The following MEGF11 variants were observed in gnomAD, a reference collection of about 807,000 sequenced individuals.
MEGF11 encodes multiple EGF like domains 11.
Under a neutral mutation model 146.6 loss-of-function variants are expected in MEGF11, and 126 were observed. That is an observed-to-expected ratio of 0.86 (90% CI 0.74 to 1.00). The LOEUF (loss-of-function observed/expected upper bound fraction) is 1.00. MEGF11 is among the 50% of genes least tolerant of loss of function. MEGF11 has a pLI of 0.00. For synonymous variants in MEGF11, 532 were observed against 583.4 expected (o/e 0.91, Z 1.27); for missense variants, 1,509 against 1,521.2 (o/e 0.99, Z 0.13).
intron 9 of MEGF11, among the ~76,000 whole-genome samples, chr15:65,964,167 G>A (rs879844434): frequency 6.6e-6 from 1 of 152,192 alleles, no homozygotes; most frequent in African/African-American, 2.4e-5. Context: ...CGTGAAGCGG[G>A]CAGGGAGGGG....
intron 5 of MEGF11, among the ~76,000 whole-genome samples, chr15:65,996,302 C>T (rs758852170): frequency 1.3e-5 from 2 of 152,134 alleles, no homozygotes; most frequent in Non-Finnish European, 2.9e-5. Flanking sequence ...GAGTGTTGGG[C>T]ACCTCTGCTC....
intron 4 of MEGF11, 57 bp from the exon 5 acceptor site, chr15:66,094,551 T>C: frequency 7.0e-7 from 1 of 1,435,982 alleles, no homozygotes; most frequent in Non-Finnish European, 9.6e-7. Flanking sequence ...AAACCAACCA[T>C]CTGGTCAAGG....
intron 1 of MEGF11, among the ~76,000 whole-genome samples, chr15:66,151,676 C>T (rs932078168): frequency 2.0e-5 from 3 of 152,202 alleles, no homozygotes; most frequent in African/African-American, 7.2e-5. Context: ...AGGTCATTAG[C>T]TCTGGTTGAC....
intron 13 of MEGF11, among the ~76,000 whole-genome samples, chr15:65,925,122 G>A (rs1435107039): frequency 6.6e-6 from 1 of 152,190 alleles, no homozygotes; most frequent in Non-Finnish European, 1.5e-5. Context: ...AAAACTATAG[G>A]TATTACTGTG....
chr15:66,069,768 T>C (rs2085287088), intron 5 of MEGF11, among the ~76,000 whole-genome samples: 1 of 152,226 alleles, frequency 6.6e-6, no homozygotes, highest in South Asian at 2.1e-4. Flanking sequence ...TGTTCTAAAG[T>C]AGAAATTGGC....
intron 1 of MEGF11, among the ~76,000 whole-genome samples, chr15:66,156,284 C>T (rs1340593297): frequency 6.6e-6 from 1 of 152,152 alleles, no homozygotes; most frequent in Non-Finnish European, 1.5e-5. Flanking sequence ...CTGATAGCTC[C>T]CACCACCTTT....
At chr15:66,134,796 G>C (rs577191255) in intron 1 of MEGF11, among the ~76,000 whole-genome samples, 115 of 152,388 alleles carry the variant, frequency 7.5e-4, no homozygotes, top group African/African-American at 2.6e-3. Flanking sequence ...AGGATGATGG[G>C]CTGGACAGCA....
chr15:66,096,348 C>G (rs1353728280), intron 4 of MEGF11, among the ~76,000 whole-genome samples: 1 of 152,242 alleles, frequency 6.6e-6, no homozygotes, highest in Non-Finnish European at 1.5e-5. Flanking sequence ...CTCGAAGAGA[C>G]TTAAGAGAAA....
At chr15:66,235,010 C>T (rs1228949190) in intron 1 of MEGF11, among the ~76,000 whole-genome samples, 1 of 152,184 alleles carries the variant, frequency 6.6e-6, no homozygotes, top group Non-Finnish European at 1.5e-5. Context: ...CTTTCCTATG[C>T]TTCCACACCC....
At chr15:66,142,346 T>A (rs983798860) in intron 1 of MEGF11, among the ~76,000 whole-genome samples, 6 of 152,188 alleles carry the variant, frequency 3.9e-5, no homozygotes, top group African/African-American at 7.2e-5. Flanking sequence ...CGTGGCAACA[T>A]CTTTGCATCA....
chr15:65,900,435 A>G (rs1162433255), intron 24 of MEGF11, among the ~76,000 whole-genome samples: 1 of 152,264 alleles, frequency 6.6e-6, no homozygotes, highest in East Asian at 1.9e-4. Context: ...AAGTAGTCTT[A>G]TCTCCCATAA....
At chr15:66,079,475 G>T (rs1205215823) in intron 5 of MEGF11, among the ~76,000 whole-genome samples, 2 of 151,724 alleles carry the variant, frequency 1.3e-5, no homozygotes, top group African/African-American at 4.9e-5. Flanking sequence ...TAAAAGGCAT[G>T]CAGTTGCTAT....
chr15:65,957,464 C>T (rs2080695152), intron 10 of MEGF11, 83 bp downstream of exon 10: 2 of 1,358,862 alleles, frequency 1.5e-6, no homozygotes, highest in South Asian at 1.4e-5. Flanking sequence ...GGGTGCAGGG[C>T]CACAGTCCTG....
chr15:65,962,283 CGA>C (rs1259088584), intron 9 of MEGF11, among the ~76,000 whole-genome samples: 5 of 152,288 alleles, frequency 3.3e-5, no homozygotes, highest in African/African-American at 9.6e-5. Context: ...AAGCGCAGCA[CGA>C]GAGAGTTCAT....
intron 1 of MEGF11, among the ~76,000 whole-genome samples, chr15:66,228,893 C>T (rs574798013): frequency 9.9e-5 from 15 of 152,170 alleles, no homozygotes; most frequent in Admixed American, 9.8e-4. Flanking sequence ...GATTTGGCTG[C>T]CTCCATCCCA....
intron 13 of MEGF11, among the ~76,000 whole-genome samples, chr15:65,923,821 T>C (rs78509417): frequency 0.018 from 2,766 of 152,278 alleles, 84 homozygotes; most frequent in African/African-American, 0.062. Flanking sequence ...TTAGGTTCCC[T>C]ACAGCCTGAA....
At chr15:66,079,854 G>A (rs1243745776) in intron 5 of MEGF11, among the ~76,000 whole-genome samples, 1 of 152,138 alleles carries the variant, frequency 6.6e-6, no homozygotes, top group East Asian at 1.9e-4. Flanking sequence ...GGTCTCCATG[G>A]GCTGCCCCTT....
intron 5 of MEGF11, among the ~76,000 whole-genome samples, chr15:65,992,450 T>TGG (rs11355219): frequency 0.055 from 6,962 of 126,052 alleles, 473 homozygotes; most frequent in East Asian, 0.37. Context: ...TGTGTGTGTG[T>TGG]GGGGGGGGGG....
intron 5 of MEGF11, among the ~76,000 whole-genome samples, chr15:66,015,416 A>G (rs780020232): frequency 8.5e-5 from 13 of 152,234 alleles, no homozygotes; most frequent in Non-Finnish European, 1.6e-4. Flanking sequence ...TTGAATGTTA[A>G]TCATTCATTT....
Sources: allele counts gnomAD v4.1 joint callset (sites outside exome capture counted in the v4.1 genomes callset), GRCh38; gene constraint gnomAD v4.1.1; transcripts MANE v1.5; gene names NCBI Gene and HGNC (gene_info 2026-07-23, HGNC 2026-07-21).